PIAS2: variants seen among roughly 807,000 people sequenced by gnomAD.
PIAS2 encodes E3 SUMO-protein ligase PIAS2.
Under a neutral mutation model 69.7 loss-of-function variants are expected in PIAS2, and 19 were observed. That is an observed-to-expected ratio of 0.27 (90% CI 0.19 to 0.40). PIAS2 has a LOEUF of 0.40. Ranked by LOEUF, PIAS2 falls within the 10% of genes least tolerant of loss-of-function variation. The pLI is 1.00. For missense variants in PIAS2, 624 were observed against 757.0 expected (o/e 0.82, Z 2.06); for synonymous variants, 261 against 263.2 (o/e 0.99, Z 0.08).
chr18:46,883,461 G>T (rs2052627857), intron 2 of PIAS2, among the ~76,000 whole-genome samples: 1 of 151,994 alleles, frequency 6.6e-6, no homozygotes, highest in Non-Finnish European at 1.5e-5. Flanking sequence ...CCAGCACTTT[G>T]GGGGGCCGGG....
In PIAS2 at chr18:46,805,681, A is replaced by G. The variant is rs1264247474; in HGVS notation, c.*6752T>C. 1.3e-5 allele frequency: 2 copies of G among 152,344 alleles called. No individual in the cohort carries two copies. Among genetic ancestry groups the G allele is most frequent in the Non-Finnish European group, 2.9e-5 (2 of 68,162 alleles). 9.4% of individuals were successfully genotyped at this position (152,344 alleles called of 1,614,324 possible). A position where few individuals can be genotyped will look rare whatever the true frequency, so the allele number is the denominator to read the frequency against. The stretch of plus-strand genomic sequence containing the variant: ...GGCAAGGCAGTGAAGAGAAAAATCA[A>G]AAGAAAAGGCTAAGATGTAGCCAAG... On this transcript the variant is annotated 3_prime_UTR_variant, in exon 14 of 14. Transcript: ENST00000585916.
chr18:46,870,381 C>T (rs994451774), intron 2 of PIAS2, among the ~76,000 whole-genome samples: 4 of 151,954 alleles, frequency 2.6e-5, no homozygotes, highest in African/African-American at 4.8e-5. Flanking sequence ...TCTGGGAGGC[C>T]GAGGCAGGTG....
chr18:46,816,591 C>T (rs1599283193), intron 12 of PIAS2: 1 of 293,710 alleles, frequency 3.4e-6, no homozygotes, highest in Non-Finnish European at 5.1e-6. Context: ...TCGCAAGAAG[C>T]AGGAGCTACA....
chr18:46,904,994 A>G (rs772563641), intron 1 of PIAS2, among the ~76,000 whole-genome samples: 1 of 152,252 alleles, frequency 6.6e-6, no homozygotes, highest in Non-Finnish European at 1.5e-5. Context: ...CTTAATAAAA[A>G]ATAAAGATAT....
chr18:46,812,676 GA>G (rs2041091988), intron 13 of PIAS2, 64 bp from the exon 14 acceptor site: 1 of 952,374 alleles, frequency 1.1e-6, no homozygotes, highest in Non-Finnish European at 1.6e-6. Flanking sequence ...AAAGAGACTA[GA>G]AATTATTAGA....
At chr18:46,881,431 A>G (rs2052240318) in intron 2 of PIAS2, among the ~76,000 whole-genome samples, 1 of 152,202 alleles carries the variant, frequency 6.6e-6, no homozygotes, top group South Asian at 2.1e-4. Flanking sequence ...GTATTTGTAA[A>G]AAACTGAATA....
intron 11 of PIAS2, among the ~76,000 whole-genome samples, chr18:46,823,147 T>G (rs894354835): frequency 6.6e-6 from 1 of 151,062 alleles, no homozygotes; most frequent in Non-Finnish European, 1.5e-5. Context: ...AGGCTGAGAC[T>G]GCTTGAGTCC....
At position 46,844,809 on chromosome 18, in the gene PIAS2, G is replaced by T; in HGVS notation, c.892C>A (p.Gln298Lys). The T allele has an allele frequency of 1.4e-6, 2 of 1,474,824 alleles. No individual in the cohort carries two copies. The highest frequency in any genetic ancestry group is 1.8e-6 in the Non-Finnish European group (2 of 1,111,894). The allele number at this position is 1,474,824 out of a possible 1,614,324, so 91.4% of individuals were successfully genotyped here. The part of the protein sequence containing the change: ...NYSMSVYLVR[Q>K]LTSAMLLQRL... The stretch of plus-strand genomic sequence containing the variant: ...TGTAATAACATGGCTGATGTAAGCT[G>T]CCGTACAAGATATACAGACATAGAG... Residue 298 changes from glutamine (Q) to lysine (K), a missense_variant, in exon 7 of 14, where the codon CAG (glutamine) becomes AAG (lysine). Around this residue, in one of 3 missense-constraint regions of PIAS2, gnomAD observed 339 missense variants for 408.8 expected, o/e 0.83. Transcript: ENST00000585916.
At chr18:46,848,836 GA>G (rs1310759547) in intron 5 of PIAS2, among the ~76,000 whole-genome samples, 1,271 of 107,490 alleles carry the variant, frequency 0.012, 14 homozygotes, top group African/African-American at 0.037. Flanking sequence ...TTGCTCAAGT[GA>G]AAAAAAAAAA....
chr18:46,812,366 C>A lies in PIAS2; in HGVS notation c.*67G>T. ...TAAAAAAAAAAAAAAAAGAACGTTT[C>A]CACAGACTAGAGATCCAAGAAAAAG... On this transcript the variant is annotated 3_prime_UTR_variant, in exon 14 of 14. Coordinates refer to ENST00000585916, the MANE Select transcript of PIAS2 (RefSeq NM_004671.5). 1.2e-6 allele frequency: 1 copy of A among 863,936 alleles called. No individual in the cohort carries two copies. The allele number at this position is 863,936 out of a possible 1,614,324, so 53.5% of individuals were successfully genotyped here.
At chr18:46,837,069 C>T (rs1048341357) in intron 8 of PIAS2, among the ~76,000 whole-genome samples, 1 of 152,106 alleles carries the variant, frequency 6.6e-6, no homozygotes, top group East Asian at 1.9e-4. Flanking sequence ...TTTATCACTA[C>T]AAACAATGCT....
chr18:46,828,200 T>C, intron 10 of PIAS2, 70 bp from the exon 11 acceptor site: 1 of 1,354,216 alleles, frequency 7.4e-7, no homozygotes, highest in Non-Finnish European at 1.0e-6. Flanking sequence ...TGGTAGAGTC[T>C]AGTATATTCA....
At chr18:46,819,469 T>C (rs1448497321) in intron 12 of PIAS2, among the ~76,000 whole-genome samples, 1 of 152,162 alleles carries the variant, frequency 6.6e-6, no homozygotes, top group Non-Finnish European at 1.5e-5. Flanking sequence ...AAGCCATTTT[T>C]TTCTATGGAT....
intron 2 of PIAS2, among the ~76,000 whole-genome samples, chr18:46,883,258 G>A (rs1286229973): frequency 6.6e-6 from 1 of 152,078 alleles, no homozygotes; most frequent in African/African-American, 2.4e-5. Context: ...AACTACTTTT[G>A]TAATCTGAAA....
At position 46,805,125 on chromosome 18, in the gene PIAS2, G is replaced by T. The variant is rs1568307410; in HGVS notation, c.*7308C>A. ...AAAGTCATCTTCTGAGAAGGAAGTG[G>T]CCTGAAAAGAGGGCAATAACATTTG... On this transcript the variant is annotated 3_prime_UTR_variant, in exon 14 of 14. Transcript: ENST00000585916. The T allele has an allele frequency of 6.6e-6, 1 of 152,204 alleles. No individual in the cohort carries two copies. The allele number at this position is 152,204 out of a possible 1,614,324, so 9.4% of individuals were successfully genotyped here.
intron 12 of PIAS2, chr18:46,816,922 CATATTA>C (rs1376506474): frequency 9.6e-6 from 9 of 939,890 alleles, no homozygotes; most frequent in African/African-American, 1.8e-5. Flanking sequence ...ATTTTGTCTT[CATATTA>C]ATAATATTCA....
chr18:46,807,754 A>C lies in PIAS2; in HGVS notation c.*4679T>G, dbSNP rs757122833. The C allele has an allele frequency of 6.6e-6, 1 of 152,222 alleles. No homozygotes were observed. The highest frequency in any genetic ancestry group is 1.5e-5 in the Non-Finnish European group (1 of 68,060). The allele number at this position is 152,222 out of a possible 1,614,324, so 9.4% of individuals were successfully genotyped here. A position where few individuals can be genotyped will look rare whatever the true frequency, so the allele number is the denominator to read the frequency against. Reference sequence around the variant, plus strand: ...GGGAAAATCTCTGCCAATGATCTCCATATCAGTTAACCCCGTTCCATAGAG... The same window carrying C: ...GGGAAAATCTCTGCCAATGATCTCCCTATCAGTTAACCCCGTTCCATAGAG... On this transcript the variant is annotated 3_prime_UTR_variant, in exon 14 of 14. Transcript: ENST00000585916.
chr18:46,886,399 A>G (rs995690822), intron 2 of PIAS2, among the ~76,000 whole-genome samples: 1 of 152,262 alleles, frequency 6.6e-6, no homozygotes, highest in African/African-American at 2.4e-5. Flanking sequence ...TGTGCATGAT[A>G]CTGTCCAAAT....
chr18:46,807,383 A>ATTTTTTTTTTTT lies in PIAS2; in HGVS notation c.*5038_*5049dup. 1 of 11,600 alleles carries ATTTTTTTTTTTT rather than the reference A, an allele frequency of 8.6e-5. No individual in the cohort carries two copies. Among genetic ancestry groups the ATTTTTTTTTTTT allele is most frequent in the Non-Finnish European group, 1.3e-4 (1 of 7,454 alleles). 0.7% of individuals were successfully genotyped at this position (11,600 alleles called of 1,614,324 possible). A position where few individuals can be genotyped will look rare whatever the true frequency, so the allele number is the denominator to read the frequency against. On this transcript the variant is annotated 3_prime_UTR_variant, in exon 14 of 14. Transcript: ENST00000585916. ...TATATATATATATATATATATATAT[A>ATTTTTTTTTTTT]TTTTTTTTTTTTTTTTTTTTTTTTT...
Sources: gnomAD v4.1 joint callset for allele counts (sites outside exome capture counted in the v4.1 genomes callset) on GRCh38, gnomAD v4.1.1 for gene constraint, gnomAD v4.1.1 regional missense constraint, MANE v1.5 for transcripts, NCBI Gene and HGNC (gene_info 2026-07-23, HGNC 2026-07-21) for gene names.